Variants in PVT1 observed in about 807,000 individuals in gnomAD.
PVT1 encodes the protein CXCR4/PVT1 fusion.
At chr8:128,058,672 G>A (rs1813791827) in intron 4 of PVT1, among the ~76,000 whole-genome samples, 1 of 152,148 alleles carries the variant, frequency 6.6e-6, no homozygotes, top group Non-Finnish European at 1.5e-5. Flanking sequence ...CTAAATCTTT[G>A]TGAATATGTT....
chr8:127,977,618 C>A (rs1039457040), intron 3 of PVT1, among the ~76,000 whole-genome samples: 2 of 152,072 alleles, frequency 1.3e-5, no homozygotes, highest in African/African-American at 4.8e-5. Context: ...GCCTGTAACC[C>A]CAGCTACTCG....
chr8:127,906,727 TG>T (rs1328512692), intron 3 of PVT1, among the ~76,000 whole-genome samples: 1 of 152,158 alleles, frequency 6.6e-6, no homozygotes, highest in Non-Finnish European at 1.5e-5. Flanking sequence ...TTGTGCATAA[TG>T]GTTGAGGTGT....
At chr8:127,964,077 G>T (rs7830236) in intron 3 of PVT1, among the ~76,000 whole-genome samples, 24,124 of 152,202 alleles carry the variant, frequency 0.16, 2,170 homozygotes, top group South Asian at 0.29. Context: ...ATGAAGGAGT[G>T]CCATGACGAC....
At chr8:127,886,384 A>C (rs916846776) in intron 2 of PVT1, among the ~76,000 whole-genome samples, 1 of 152,176 alleles carries the variant, frequency 6.6e-6, no homozygotes, top group Admixed American at 6.5e-5. Flanking sequence ...GAACACTTTC[A>C]TCCCTTCCCA....
chr8:127,810,075 C>T (rs1026238698), intron 2 of PVT1, among the ~76,000 whole-genome samples: 9 of 152,186 alleles, frequency 5.9e-5, no homozygotes, highest in African/African-American at 1.9e-4. Flanking sequence ...GACAGATGCC[C>T]CCCAGAAGCA....
intron 4 of PVT1, among the ~76,000 whole-genome samples, chr8:128,057,282 GTAT>G (rs1372490665): frequency 6.6e-6 from 1 of 152,096 alleles, no homozygotes; most frequent in Non-Finnish European, 1.5e-5. Context: ...TGTAGAAAAG[GTAT>G]TATTACCCCG....
At chr8:127,882,174 A>G (rs1173510930) in intron 2 of PVT1, among the ~76,000 whole-genome samples, 3 of 152,162 alleles carry the variant, frequency 2.0e-5, no homozygotes, top group African/African-American at 7.2e-5. Flanking sequence ...CCTCCCCTGA[A>G]TGAGGAATCG....
intron 2 of PVT1, among the ~76,000 whole-genome samples, chr8:127,821,537 G>A (rs1814728717): frequency 6.6e-6 from 1 of 152,172 alleles, no homozygotes; most frequent in Non-Finnish European, 1.5e-5. Flanking sequence ...ACTGCCGGGT[G>A]CGGTGGCTCA....
At chr8:127,923,387 G>A (rs1369625732) in intron 3 of PVT1, among the ~76,000 whole-genome samples, 2 of 152,224 alleles carry the variant, frequency 1.3e-5, no homozygotes, top group Non-Finnish European at 2.9e-5. Flanking sequence ...CCTGTGAGTT[G>A]GATTCCAACA....
At chr8:127,987,261 A>T (rs1268869582) in intron 3 of PVT1, among the ~76,000 whole-genome samples, 1 of 152,192 alleles carries the variant, frequency 6.6e-6, no homozygotes. Context: ...TAATCCTGTC[A>T]GCGCACCTGG....
chr8:127,865,030 G>T (rs929773298), intron 2 of PVT1, among the ~76,000 whole-genome samples: 1 of 152,174 alleles, frequency 6.6e-6, no homozygotes, highest in Non-Finnish European at 1.5e-5. Flanking sequence ...GGCTGTAGAC[G>T]GCAGGCCTGC....
At chr8:127,929,208 T>C (rs1294561873) in intron 3 of PVT1, among the ~76,000 whole-genome samples, 2 of 151,264 alleles carry the variant, frequency 1.3e-5, no homozygotes, top group Non-Finnish European at 1.5e-5. Flanking sequence ...TGTTTTTTTT[T>C]TTTTTTTTTA....
chr8:127,871,945 A>C (rs1815355892), intron 2 of PVT1, among the ~76,000 whole-genome samples: 1 of 152,142 alleles, frequency 6.6e-6, no homozygotes, highest in African/African-American at 2.4e-5. Context: ...AAAAAAAATT[A>C]GCCAGACGTG....
At chr8:127,924,031 C>T (rs1816096282) in intron 3 of PVT1, among the ~76,000 whole-genome samples, 2 of 152,186 alleles carry the variant, frequency 1.3e-5, no homozygotes, top group Non-Finnish European at 2.9e-5. Context: ...CCCCCTCTGG[C>T]ATGGTGTTGG....
intron 6 of PVT1, among the ~76,000 whole-genome samples, chr8:128,099,183 A>C (rs1814468684): frequency 6.6e-6 from 1 of 152,220 alleles, no homozygotes; most frequent in Admixed American, 6.5e-5. Flanking sequence ...ATATGGCGAC[A>C]TGCGGGTCAC....
intron 2 of PVT1, among the ~76,000 whole-genome samples, chr8:127,888,424 G>T (rs1199259939): frequency 6.6e-6 from 1 of 152,198 alleles, no homozygotes; most frequent in Non-Finnish European, 1.5e-5. Context: ...GGTGCCCTCT[G>T]TTATTCTTGT....
intron 3 of PVT1, among the ~76,000 whole-genome samples, chr8:127,959,841 CCTAGCCCCAAG>C (rs1816617792): frequency 6.6e-6 from 1 of 152,138 alleles, no homozygotes; most frequent in Non-Finnish European, 1.5e-5. Context: ...GGCTTGCACT[CCTAGCCCCAAG>C]TGCAATATAC....
chr8:128,058,904 G>C (rs901434607), intron 4 of PVT1, among the ~76,000 whole-genome samples: 1 of 152,100 alleles, frequency 6.6e-6, no homozygotes, highest in East Asian at 1.9e-4. Flanking sequence ...TGCACCAGAC[G>C]CATGGCTGTT....
chr8:128,084,175 A>G lies in PVT1; in HGVS notation n.1115-12343A>G, dbSNP rs117191290. Among the ~76,000 whole-genome samples the G allele has an allele frequency of 2.8e-3, 423 of 152,224 alleles. 14 individuals carry two copies. The East Asian group carries it at 0.067, about 24-fold the overall frequency. On this transcript the variant is annotated intron_variant and non_coding_transcript_variant, in intron 5 of 10. Transcript: ENST00000651587. The stretch of plus-strand genomic sequence containing the variant: ...AGACTAAACCACTCAAAATCTTCCC[A>G]TGGATCTCATCTCAGATTAAAATCC...
Sources: allele counts gnomAD v4.1 joint callset (sites outside exome capture counted in the v4.1 genomes callset), GRCh38; gene constraint gnomAD v4.1.1; transcripts MANE v1.5; gene names NCBI Gene and HGNC (gene_info 2026-07-23, HGNC 2026-07-21).